The following IL1RAPL1 variants were observed in gnomAD, a reference collection of about 807,000 sequenced individuals.
IL1RAPL1 encodes the protein interleukin 1 receptor accessory protein like 1.
IL1RAPL1 carries 3 observed loss-of-function variants against 48.4 expected under a neutral mutation model. The observed-to-expected ratio is 0.06, with a 90% CI of 0.03 to 0.16. The LOEUF (loss-of-function observed/expected upper bound fraction) is 0.16. Among genes scored for constraint, IL1RAPL1 ranks in the 10% least tolerant of loss-of-function variants. The pLI is 1.00. For missense variants in IL1RAPL1, 349 were observed against 530.6 expected (o/e 0.66, Z 3.36); for synonymous variants, 185 against 187.7 (o/e 0.99, Z 0.12).
intron 6 of IL1RAPL1, among the ~76,000 whole-genome samples, chrX:29,844,536 T>C (rs926398679): frequency 5.4e-5 from 6 of 111,587 alleles, no homozygotes; most frequent in African/African-American, 2.0e-4. Context: ...TTTGAATCCA[T>C]GGATTTAGCC....
chrX:29,049,430 A>G (rs1459192822), intron 2 of IL1RAPL1, among the ~76,000 whole-genome samples: 1 of 112,342 alleles, frequency 8.9e-6, no homozygotes, highest in Non-Finnish European at 1.9e-5. Flanking sequence ...ATATGACTAC[A>G]TATCTCAGCA....
chrX:28,991,812 T>C (rs983758240), intron 2 of IL1RAPL1, among the ~76,000 whole-genome samples: 1 of 112,729 alleles, frequency 8.9e-6, no homozygotes. Context: ...TACCATATTA[T>C]GCACAGGTAG....
At chrX:29,559,470 T>A (rs1167509432) in intron 5 of IL1RAPL1, among the ~76,000 whole-genome samples, 1 of 112,137 alleles carries the variant, frequency 8.9e-6, no homozygotes, top group Non-Finnish European at 1.9e-5. Flanking sequence ...TTTTCTTTAT[T>A]GGAAGGTTTA....
intron 6 of IL1RAPL1, among the ~76,000 whole-genome samples, chrX:29,782,997 C>G (rs917561831): frequency 1.0e-5 from 1 of 97,054 alleles, no homozygotes; most frequent in Non-Finnish European, 2.0e-5. Flanking sequence ...CTCCGCCTCC[C>G]GGGTTCACGC....
At chrX:28,764,104 T>C (rs1322958288) in intron 1 of IL1RAPL1, among the ~76,000 whole-genome samples, 2 of 111,426 alleles carry the variant, frequency 1.8e-5, no homozygotes, top group African/African-American at 6.5e-5. Context: ...TACAGGCACA[T>C]TTCACCTCAT....
chrX:29,453,988 G>C (rs1934710496), intron 5 of IL1RAPL1, among the ~76,000 whole-genome samples: 1 of 111,982 alleles, frequency 8.9e-6, no homozygotes, highest in Non-Finnish European at 1.9e-5. Flanking sequence ...TAAGACAGAG[G>C]CTTGCCCTGA....
chrX:29,019,549 C>T (rs758366386), intron 2 of IL1RAPL1, among the ~76,000 whole-genome samples: 1 of 110,911 alleles, frequency 9.0e-6, no homozygotes, highest in Non-Finnish European at 1.9e-5. Context: ...GTGTTATCAA[C>T]AAGATGGAGA....
chrX:28,664,228 A>G (rs906513156), intron 1 of IL1RAPL1, among the ~76,000 whole-genome samples: 1 of 112,429 alleles, frequency 8.9e-6, no homozygotes, highest in South Asian at 3.7e-4. Context: ...TTGCATTGTA[A>G]CTGTCCCCGA....
At chrX:28,720,790 C>T (rs925265644) in intron 1 of IL1RAPL1, among the ~76,000 whole-genome samples, 1 of 111,316 alleles carries the variant, frequency 9.0e-6, no homozygotes, top group African/African-American at 3.3e-5. Context: ...GTGATGTTCC[C>T]CTTCCTGTGT....
chrX:28,842,935 A>C (rs192473095), intron 2 of IL1RAPL1, among the ~76,000 whole-genome samples: 193 of 111,399 alleles, frequency 1.7e-3, no homozygotes, highest in African/African-American at 5.9e-3. Flanking sequence ...TCTGAATCAC[A>C]GGGAGAAAAC....
chrX:29,148,904 G>A (rs1422862047), intron 2 of IL1RAPL1, among the ~76,000 whole-genome samples: 1 of 111,314 alleles, frequency 9.0e-6, no homozygotes, highest in Admixed American at 9.6e-5. Context: ...CCTCTTTTTT[G>A]TATAATCCTT....
intron 2 of IL1RAPL1, among the ~76,000 whole-genome samples, chrX:29,262,037 T>G (rs1485363471): frequency 8.9e-6 from 1 of 111,783 alleles, no homozygotes; most frequent in Non-Finnish European, 1.9e-5. Flanking sequence ...CATTGGGTTA[T>G]AGTGGATTGG....
At chrX:29,906,855 A>C (rs752070671) in intron 6 of IL1RAPL1, among the ~76,000 whole-genome samples, 1 of 110,395 alleles carries the variant, frequency 9.1e-6, no homozygotes, top group South Asian at 3.9e-4. Context: ...GACTTGCTGA[A>C]TCTAAATCTG....
At chrX:29,061,471 G>C (rs918339327) in intron 2 of IL1RAPL1, among the ~76,000 whole-genome samples, 1 of 111,906 alleles carries the variant, frequency 8.9e-6, no homozygotes, top group African/African-American at 3.2e-5. Flanking sequence ...ATTTTGGGGG[G>C]ATGGGGGACG....
intron 5 of IL1RAPL1, among the ~76,000 whole-genome samples, chrX:29,465,165 G>A (rs764960194): frequency 8.9e-6 from 1 of 111,820 alleles, no homozygotes; most frequent in Admixed American, 9.5e-5. Flanking sequence ...AGCACTTTGG[G>A]AGGTCAAGGC....
At chrX:29,608,670 C>CAAAAAAA (rs1390774026) in intron 5 of IL1RAPL1, among the ~76,000 whole-genome samples, 1 of 103,219 alleles carries the variant, frequency 9.7e-6, no homozygotes, top group Non-Finnish European at 2.0e-5. Flanking sequence ...ACTAAAAATA[C>CAAAAAAA]AAAAAATTAG....
intron 6 of IL1RAPL1, among the ~76,000 whole-genome samples, chrX:29,860,163 T>C (rs942709761): frequency 8.9e-6 from 1 of 111,964 alleles, no homozygotes; most frequent in South Asian, 3.7e-4. Flanking sequence ...ACCCTCCCGA[T>C]AGGTATTGCT....
intron 5 of IL1RAPL1, among the ~76,000 whole-genome samples, chrX:29,463,783 A>G (rs918867928): frequency 3.6e-5 from 4 of 111,822 alleles, no homozygotes; most frequent in Admixed American, 1.9e-4. Context: ...ACTAAGTTAG[A>G]AAAGGTCATT....
chrX:28,696,645 A>G (rs1439317064), intron 1 of IL1RAPL1, among the ~76,000 whole-genome samples: 1 of 111,492 alleles, frequency 9.0e-6, no homozygotes, highest in African/African-American at 3.2e-5. Flanking sequence ...GTAGCCCCTG[A>G]CATCTGTACA....
Sources: gnomAD v4.1 joint callset for allele counts (sites outside exome capture counted in the v4.1 genomes callset) on GRCh38, gnomAD v4.1.1 for gene constraint, MANE v1.5 for transcripts, NCBI Gene and HGNC (gene_info 2026-07-23, HGNC 2026-07-21) for gene names.